The following LOC400499 variants were observed in gnomAD, a reference collection of about 807,000 sequenced individuals.
the LOC400499 span, chr16:11,448,939 C>T: frequency 2.0e-6 from 3 of 1,490,760 alleles, no homozygotes; most frequent in South Asian, 2.5e-5. Flanking sequence ...TGCCTGTAGG[C>T]CGCTGTTAGG....
the LOC400499 span, among the ~76,000 whole-genome samples, chr16:11,527,388 G>A: frequency 6.6e-6 from 1 of 152,066 alleles, no homozygotes; most frequent in Non-Finnish European, 1.5e-5. Context: ...CCGACAGAGA[G>A]GAGGGGAGGG....
chr16:11,393,164 C>CCCCT, the LOC400499 span, among the ~76,000 whole-genome samples: 51 of 115,120 alleles, frequency 4.4e-4, 1 homozygote, highest in African/African-American at 1.2e-3. Flanking sequence ...ACCCCCCCCC[C>CCCCT]TTTTTTTTAA....
the LOC400499 span, among the ~76,000 whole-genome samples, chr16:11,478,935 G>A: frequency 6.6e-6 from 1 of 152,166 alleles, no homozygotes; most frequent in Non-Finnish European, 1.5e-5. Flanking sequence ...CTCTTTCTTT[G>A]TCTGCTGTCA....
At chr16:11,500,055 A>G in the LOC400499 span, among the ~76,000 whole-genome samples, 1 of 152,312 alleles carries the variant, frequency 6.6e-6, no homozygotes, top group African/African-American at 2.4e-5. Flanking sequence ...CAGATTTCCT[A>G]ATCTCCAGAC....
chr16:11,500,776 G>C, the LOC400499 span: 11 of 399,146 alleles, frequency 2.8e-5, no homozygotes, highest in Middle Eastern at 6.3e-4. Context: ...GAGGACACCG[G>C]GGCCCCGGGT....
the LOC400499 span, among the ~76,000 whole-genome samples, chr16:11,510,254 TG>T: frequency 6.6e-6 from 1 of 151,702 alleles, no homozygotes; most frequent in Non-Finnish European, 1.5e-5. Flanking sequence ...CAACACCATC[TG>T]GCTGCCTGCA....
the LOC400499 span, chr16:11,398,301 A>T: frequency 1.6e-6 from 2 of 1,230,288 alleles, no homozygotes; most frequent in Non-Finnish European, 2.0e-6. Context: ...CCCCCTCACC[A>T]TGGGTCCCTG....
the LOC400499 span, among the ~76,000 whole-genome samples, chr16:11,478,882 A>C: frequency 2.1e-4 from 32 of 152,288 alleles, no homozygotes; most frequent in Middle Eastern, 3.4e-3. Context: ...AATGGGGCTC[A>C]GGAGATTCTA....
At chr16:11,476,154 A>C in the LOC400499 span, among the ~76,000 whole-genome samples, 6 of 138,458 alleles carry the variant, frequency 4.3e-5, no homozygotes, top group African/African-American at 1.1e-4. Flanking sequence ...GGGTCAGGAT[A>C]GAGGGGGACG....
At chr16:11,423,228 G>A in the LOC400499 span, 2 of 399,296 alleles carry the variant, frequency 5.0e-6, no homozygotes, top group Non-Finnish European at 8.8e-6. Flanking sequence ...TAACAGCTGG[G>A]TGGGCGAGGC....
At chr16:11,397,494 C>T in the LOC400499 span, among the ~76,000 whole-genome samples, 4 of 152,200 alleles carry the variant, frequency 2.6e-5, no homozygotes, top group East Asian at 5.8e-4. Flanking sequence ...AGGATGGTCT[C>T]GATCTCCTGA....
the LOC400499 span, chr16:11,501,998 G>A: frequency 7.5e-6 from 3 of 397,924 alleles, no homozygotes; most frequent in Non-Finnish European, 8.9e-6. Flanking sequence ...GGGAACCCAG[G>A]ACAGCACGAA....
At chr16:11,405,468 A>G in the LOC400499 span, among the ~76,000 whole-genome samples, 1 of 152,264 alleles carries the variant, frequency 6.6e-6, no homozygotes, top group Non-Finnish European at 1.5e-5. Context: ...CATTCAAGGG[A>G]GAAAGGAACG....
chr16:11,398,204 C>G, the LOC400499 span: 1 of 609,838 alleles, frequency 1.6e-6, no homozygotes, highest in Admixed American at 4.4e-5. Flanking sequence ...GCCCAGTCAC[C>G]CAGCAGGCAA....
chr16:11,457,124 G>C, the LOC400499 span: 2 of 1,330,140 alleles, frequency 1.5e-6, no homozygotes, highest in South Asian at 1.5e-5. Context: ...AGGCAGCAGC[G>C]AGCCAAGATT....
the LOC400499 span, among the ~76,000 whole-genome samples, chr16:11,486,044 G>A: frequency 6.6e-6 from 1 of 151,970 alleles, no homozygotes; most frequent in South Asian, 2.1e-4. Flanking sequence ...AATGGATTGA[G>A]TGAATAGATG....
chr16:11,393,330 T>TG, the LOC400499 span: 24 of 1,213,988 alleles, frequency 2.0e-5, no homozygotes, highest in Non-Finnish European at 2.4e-5. Flanking sequence ...ACCCCCGTCC[T>TG]TTCTTGAGCC....
the LOC400499 span, chr16:11,440,672 G>GT: frequency 2.5e-6 from 1 of 398,644 alleles, no homozygotes; most frequent in African/African-American, 2.1e-5. Context: ...TTCACTAAAG[G>GT]TTATTAAGAC....
At chr16:11,434,742 C>T in the LOC400499 span, among the ~76,000 whole-genome samples, 43 of 152,296 alleles carry the variant, frequency 2.8e-4, no homozygotes, top group African/African-American at 7.9e-4. Context: ...ACCATTAGGA[C>T]AACCCTAAGA....
Sources: gnomAD v4.1 joint callset for allele counts (sites outside exome capture counted in the v4.1 genomes callset) on GRCh38, gnomAD v4.1.1 for gene constraint, MANE v1.5 for transcripts.